The following KIAA1217 variants were observed in gnomAD, a reference collection of about 807,000 sequenced individuals.
The protein encoded by KIAA1217 is KIAA1217, also known as sickle tail protein homolog.
KIAA1217 carries 88 observed loss-of-function variants against 163.9 expected under a neutral mutation model. The ratio of observed to expected loss-of-function variants is 0.54; its 90% CI spans 0.45 to 0.64. The LOEUF (loss-of-function observed/expected upper bound fraction) is 0.64. Ranked by LOEUF, KIAA1217 falls within the 30% of genes least tolerant of loss-of-function variation. KIAA1217 has a pLI of 0.00. For missense variants in KIAA1217, 2,372 were observed against 2,475.0 expected, an observed-to-expected ratio of 0.96 and a Z score of 0.88; for synonymous variants, 903 against 923.1, an observed-to-expected ratio of 0.98 and a Z score of 0.39.
intron 1 of KIAA1217, among the ~76,000 whole-genome samples, chr10:23,696,324 T>G (rs1306119826): frequency 6.6e-6 from 1 of 152,178 alleles, no homozygotes; most frequent in Admixed American, 6.5e-5. Flanking sequence ...GAATTTGATA[T>G]TAAATTTGAT....
At chr10:24,497,622 A>G (rs1387518860) in intron 8 of KIAA1217, among the ~76,000 whole-genome samples, 1 of 151,466 alleles carries the variant, frequency 6.6e-6, no homozygotes, top group African/African-American at 2.4e-5. Flanking sequence ...TGGGAGGCTG[A>G]GGTGGGAAGA....
At chr10:24,177,182 G>A (rs1221824682) in intron 2 of KIAA1217, among the ~76,000 whole-genome samples, 1 of 147,658 alleles carries the variant, frequency 6.8e-6, no homozygotes, top group African/African-American at 2.5e-5. Context: ...CCTCAAGCAT[G>A]ACCAGAGTGG....
intron 1 of KIAA1217, among the ~76,000 whole-genome samples, chr10:23,809,801 T>C (rs554924398): frequency 6.6e-6 from 1 of 152,146 alleles, no homozygotes; most frequent in African/African-American, 2.4e-5. Flanking sequence ...ATAACTCTAA[T>C]TACAATATGC....
At chr10:24,421,270 T>G (rs2058713203) in intron 3 of KIAA1217, among the ~76,000 whole-genome samples, 1 of 152,182 alleles carries the variant, frequency 6.6e-6, no homozygotes, top group Non-Finnish European at 1.5e-5. Flanking sequence ...CCTTCCAGAG[T>G]GCTGGGATTA....
intron 2 of KIAA1217, among the ~76,000 whole-genome samples, chr10:24,261,700 G>T (rs2075744703): frequency 6.6e-6 from 1 of 152,080 alleles, no homozygotes; most frequent in South Asian, 2.1e-4. Context: ...GGGGAAAAAA[G>T]AGGGTGAGTG....
chr10:23,743,813 T>TA (rs989316048), intron 1 of KIAA1217, among the ~76,000 whole-genome samples: 5 of 152,312 alleles, frequency 3.3e-5, no homozygotes, highest in African/African-American at 1.2e-4. Flanking sequence ...ATAGTTTTAC[T>TA]AGTTTTCCAA....
intron 1 of KIAA1217, among the ~76,000 whole-genome samples, chr10:23,821,134 T>TGTGA: frequency 6.7e-6 from 1 of 148,374 alleles, no homozygotes; most frequent in African/African-American, 2.5e-5. Flanking sequence ...TGTGTGTGTG[T>TGTGA]GTGATACTAA....
intron 1 of KIAA1217, among the ~76,000 whole-genome samples, chr10:23,781,416 G>T (rs1337047773): frequency 6.6e-6 from 1 of 151,980 alleles, no homozygotes; most frequent in African/African-American, 2.4e-5. Context: ...TGTCTTCTTT[G>T]GGAAAATATC....
chr10:23,829,962 C>T (rs1260184859), intron 1 of KIAA1217, among the ~76,000 whole-genome samples: 1 of 152,172 alleles, frequency 6.6e-6, no homozygotes, highest in Non-Finnish European at 1.5e-5. Context: ...AAAGAATTCT[C>T]TGTTGTACTA....
intron 1 of KIAA1217, among the ~76,000 whole-genome samples, chr10:23,778,340 A>G (rs1053806118): frequency 6.6e-6 from 1 of 152,216 alleles, no homozygotes; most frequent in Non-Finnish European, 1.5e-5. Context: ...TCTTTTTAGT[A>G]TCATTAAAGA....
chr10:24,039,692 G>A (rs1418995206), intron 2 of KIAA1217, among the ~76,000 whole-genome samples: 7 of 152,020 alleles, frequency 4.6e-5, no homozygotes, highest in East Asian at 1.9e-4. Flanking sequence ...CCCATTGTAC[G>A]TCAAGGGACA....
rs777381769 is a variant in KIAA1217 at position 24,545,984 on chromosome 10, C to T, written c.5492C>T (p.Thr1831Ile). 2.0e-5 allele frequency: 33 copies of T among 1,614,060 alleles called. No individual in the cohort carries two copies. The South Asian group carries it at 3.2e-4, about 16-fold the overall frequency. ...DSSNLPNPPA[T>I]KPSIASNPLS... The stretch of plus-strand genomic sequence containing the variant: ...TCTAACCTCCCTAATCCACCTGCTA[C>T]TAAACCATCGATTGCTTCTAACCCT... Residue 1831 changes from threonine to isoleucine, a missense_variant, in exon 21 of 21, where the codon ACT becomes ATT. Thr to Ile is a moderately conservative substitution (Grantham distance 89). Coordinates refer to ENST00000376454, the MANE Select transcript of KIAA1217 (RefSeq NM_019590.5).
chr10:23,880,886 C>T (rs567383092), intron 1 of KIAA1217, among the ~76,000 whole-genome samples: 2 of 152,112 alleles, frequency 1.3e-5, no homozygotes, highest in Admixed American at 1.3e-4. Flanking sequence ...TTTTCAGCCA[C>T]ATTCGGCTGC....
chr10:24,307,529 G>A (rs148755538), intron 2 of KIAA1217, among the ~76,000 whole-genome samples: 4 of 151,380 alleles, frequency 2.6e-5, no homozygotes, highest in South Asian at 2.1e-4. Flanking sequence ...TAATCCCAGC[G>A]CTTTGGGAGG....
At chr10:23,795,364 C>T (rs887296902) in intron 1 of KIAA1217, among the ~76,000 whole-genome samples, 19 of 152,038 alleles carry the variant, frequency 1.2e-4, no homozygotes, top group Non-Finnish European at 1.9e-4. Context: ...CCACTTGCCC[C>T]GTGCACAGAA....
chr10:24,433,131 C>T lies in KIAA1217; in HGVS notation c.690C>T (p.Pro230=). ...QQLTMKMLES[P]SVAIYIKDES... ...TCACCATGAAAATGCTGGAATCGCC[C>T]AGTGTCGCCATTTACATCAAAGATG... Residue 230 remains proline (P), a synonymous_variant, in exon 4 of 21, where the codon CCC becomes CCT. Coordinates refer to ENST00000376454, the MANE Select transcript of KIAA1217 (RefSeq NM_019590.5). 1.2e-6 allele frequency: 2 copies of T among 1,614,108 alleles called. No homozygotes were observed. Among genetic ancestry groups the T allele is most frequent in the Admixed American group, 1.7e-5 (1 of 60,014 alleles).
At chr10:23,868,655 A>T (rs966147026) in intron 1 of KIAA1217, among the ~76,000 whole-genome samples, 1 of 152,034 alleles carries the variant, frequency 6.6e-6, no homozygotes, top group Admixed American at 6.6e-5. Flanking sequence ...AAGATTCTTC[A>T]TTTCTCTTGT....
intron 2 of KIAA1217, among the ~76,000 whole-genome samples, chr10:24,354,970 T>G (rs1188470622): frequency 6.6e-6 from 1 of 152,214 alleles, no homozygotes; most frequent in African/African-American, 2.4e-5. Context: ...GTCCATGTCA[T>G]TTGTACAAGA....
chr10:24,524,246 G>T (rs2071752171), intron 12 of KIAA1217, 77 bp from the exon 13 acceptor site: 4 of 1,471,192 alleles, frequency 2.7e-6, no homozygotes, highest in South Asian at 2.5e-5. Flanking sequence ...CCTGGCTTTG[G>T]GATGACATAG....
Sources: gnomAD v4.1 joint callset for allele counts (sites outside exome capture counted in the v4.1 genomes callset) on GRCh38, gnomAD v4.1.1 for gene constraint, MANE v1.5 for transcripts, NCBI Gene and HGNC (gene_info 2026-07-23, HGNC 2026-07-21) for gene names.